Variants in CTPS2 observed in about 807,000 individuals in gnomAD.
CTPS2 encodes the protein CTP synthase II.
CTPS2 carries 19 observed loss-of-function variants against 46.8 expected under a neutral mutation model. That is an observed-to-expected ratio of 0.41 (90% CI 0.28 to 0.60). CTPS2 has a LOEUF of 0.60. CTPS2 is among the 20% of genes least tolerant of loss of function. CTPS2 has a pLI of 0.35. For synonymous variants in CTPS2, 151 were observed against 165.2 expected (o/e 0.91, Z 0.66); for missense variants, 286 against 447.6 (o/e 0.64, Z 3.26).
intron 15 of CTPS2, among the ~76,000 whole-genome samples, chrX:16,620,027 C>A (rs1930735269): frequency 1.8e-5 from 2 of 111,073 alleles, no homozygotes; most frequent in African/African-American, 6.5e-5. Context: ...TTGATAGGCC[C>A]CATGTGCAGG....
intron 17 of CTPS2, among the ~76,000 whole-genome samples, chrX:16,604,045 T>C (rs1464085761): frequency 9.0e-6 from 1 of 111,569 alleles, no homozygotes; most frequent in Non-Finnish European, 1.9e-5. Context: ...TATTACAAAG[T>C]AGTTTCGGCT....
chrX:16,640,130 T>C (rs1329487503), intron 13 of CTPS2, among the ~76,000 whole-genome samples: 1 of 111,345 alleles, frequency 9.0e-6, no homozygotes, highest in Non-Finnish European at 1.9e-5. Flanking sequence ...TGCGGCATTT[T>C]TCCTGCTTGA....
intron 9 of CTPS2, 147 bp from the exon 10 acceptor site, chrX:16,678,597 T>TGGGCCGCCACCCC: frequency 4.4e-6 from 2 of 450,991 alleles, no homozygotes; most frequent in Non-Finnish European, 7.8e-6. Flanking sequence ...AAACAGTCTC[T>TGGGCCGCCACCCC]GTTTTGCGGC....
At chrX:16,644,392 C>T (rs192279761) in intron 13 of CTPS2, among the ~76,000 whole-genome samples, 248 of 111,695 alleles carry the variant, frequency 2.2e-3, no homozygotes, top group Non-Finnish European at 3.8e-3. Context: ...CCAGCCTTGG[C>T]CTCCCAAAGT....
intron 1 of CTPS2, among the ~76,000 whole-genome samples, chrX:16,711,278 G>C (rs923198782): frequency 4.5e-5 from 5 of 112,078 alleles, no homozygotes; most frequent in African/African-American, 9.7e-5. Context: ...ATGTATTAGT[G>C]AGATATTTGA....
At chrX:16,697,632 C>T (rs1003714339) in intron 4 of CTPS2, among the ~76,000 whole-genome samples, 2 of 108,416 alleles carry the variant, frequency 1.8e-5, no homozygotes, top group African/African-American at 3.4e-5. Flanking sequence ...TCTGTAGAGA[C>T]GGGTTTTCGC....
chrX:16,673,456 A>C (rs1434413884), intron 10 of CTPS2, among the ~76,000 whole-genome samples: 1 of 111,119 alleles, frequency 9.0e-6, no homozygotes, highest in African/African-American at 3.3e-5. Flanking sequence ...CCATCATCAC[A>C]ATGGTGACCT....
At position 16,649,014 on chromosome X, in the gene CTPS2, CT is replaced by C. The variant is rs772072094; in HGVS notation, c.1297-9772del. ...TGCTCTTAAAATCCACCTGGAACCC[CT>C]TCCTGTGAGTTACAATCAGCATTAG... On this transcript the variant is annotated intron_variant, in intron 13 of 18. Coordinates refer to ENST00000359276, the MANE Select transcript of CTPS2 (RefSeq NM_175859.3). Among the ~76,000 whole-genome samples the C allele has an allele frequency of 2.7e-5, 3 of 112,251 alleles. No individual in the cohort carries two copies. In the South Asian group the frequency reaches 1.1e-3, roughly 41 times the overall value.
chrX:16,680,977 G>A (rs1476427520), intron 9 of CTPS2, among the ~76,000 whole-genome samples: 1 of 112,054 alleles, frequency 8.9e-6, no homozygotes, highest in Non-Finnish European at 1.9e-5. Flanking sequence ...CCTGAGGTCA[G>A]GAGTTCGAGA....
Position 16,683,271 on chromosome X carries a change from C to T in CTPS2, c.873-45G>A, listed in dbSNP as rs896176741. On this transcript the variant is annotated intron_variant, in intron 8 of 18. Coordinates refer to ENST00000359276, the MANE Select transcript of CTPS2 (RefSeq NM_175859.3). Reference sequence around the variant, plus strand: ...CAAAGGTTATATGCACATAACAGAACATCACAAACAGAACAATGGCAGCTG... The same window carrying T: ...CAAAGGTTATATGCACATAACAGAATATCACAAACAGAACAATGGCAGCTG... 4 of 1,173,853 alleles carry T rather than the reference C, an allele frequency of 3.4e-6. No homozygotes were observed. In the Admixed American group the frequency reaches 6.6e-5, roughly 19 times the overall value.
chrX:16,693,220 C>T lies in CTPS2; in HGVS notation c.560G>A (p.Ser187Asn), dbSNP rs193055681. ...TTTGGTTTTTTGTTCTCCGGTAGCA[C>T]TGAGCTGAAAAAAAATGGGGTCCCG... Reference protein sequence around the residue: ...NIHVSLVPQLSATGEQKTKPT... With the variant: ...NIHVSLVPQLNATGEQKTKPT... The change falls in exon 6 of 19, where the codon AGT becomes AAT. Residue 187 changes from serine to asparagine, a missense_variant. Physicochemically the swap from Ser to Asn is conservative, Grantham distance 46. Transcript: ENST00000359276. 2 of 1,205,613 alleles carry T rather than the reference C, an allele frequency of 1.7e-6. No individual in the cohort carries two copies. Among genetic ancestry groups the T allele is most frequent in the East Asian group, 5.9e-5 (2 of 33,700 alleles).
intron 13 of CTPS2, among the ~76,000 whole-genome samples, chrX:16,639,527 T>C (rs1221681407): frequency 9.1e-6 from 1 of 110,333 alleles, no homozygotes; most frequent in Non-Finnish European, 1.9e-5. Context: ...AAACCATCAG[T>C]TCCAAGTAGT....
At position 16,614,082 on chromosome X, in the gene CTPS2, A is replaced by C. The variant is rs774894843; in HGVS notation, c.1546+3068T>G. On this transcript the variant is annotated intron_variant, in intron 16 of 18. Coordinates refer to ENST00000359276, the MANE Select transcript of CTPS2 (RefSeq NM_175859.3). ...CTTGGACCATACATAAAATACACTA[A>C]CACTAATGATAGCTGATGAGCTTAA... Among the ~76,000 whole-genome samples the C allele has an allele frequency of 5.4e-5, 6 of 111,667 alleles. No individual in the cohort carries two copies. In the South Asian group the frequency reaches 2.3e-3, roughly 43 times the overall value.
chrX:16,635,995 G>T (rs1289573125), intron 14 of CTPS2, among the ~76,000 whole-genome samples: 5 of 112,297 alleles, frequency 4.5e-5, no homozygotes, highest in African/African-American at 1.6e-4. Flanking sequence ...CTGAGGAATG[G>T]ATAAACAAAA....
chrX:16,614,856 A>G (rs1281736323), intron 16 of CTPS2, among the ~76,000 whole-genome samples: 1 of 111,283 alleles, frequency 9.0e-6, no homozygotes, highest in Non-Finnish European at 1.9e-5. Flanking sequence ...CCTGAGCAAC[A>G]TGGCAAAAAC....
At chrX:16,680,567 A>G in intron 9 of CTPS2, among the ~76,000 whole-genome samples, 1 of 110,214 alleles carries the variant, frequency 9.1e-6, no homozygotes, top group African/African-American at 3.3e-5. Context: ...AAAAAAAAAA[A>G]AGAAAAAGAA....
intron 8 of CTPS2, 151 bp downstream of exon 8, chrX:16,689,299 G>A (rs1602269248): frequency 8.5e-6 from 4 of 472,556 alleles, no homozygotes; most frequent in Middle Eastern, 6.6e-4. Flanking sequence ...GCAAAGCACC[G>A]CAACAGTATG....
chrX:16,668,972 C>T (rs1229777325), intron 11 of CTPS2, among the ~76,000 whole-genome samples: 2 of 111,496 alleles, frequency 1.8e-5, no homozygotes, highest in African/African-American at 6.5e-5. Flanking sequence ...AGATTTCCCA[C>T]TCCTTCTCAT....
At chrX:16,639,823 A>AAGAAAG (rs1555962028) in intron 13 of CTPS2, among the ~76,000 whole-genome samples, 1 of 108,768 alleles carries the variant, frequency 9.2e-6, no homozygotes, top group African/African-American at 3.4e-5. Flanking sequence ...GAAAGAAAGA[A>AAGAAAG]AGAAAGAAGA....
Sources: allele counts gnomAD v4.1 joint callset (sites outside exome capture counted in the v4.1 genomes callset), GRCh38; gene constraint gnomAD v4.1.1; transcripts MANE v1.5; gene names NCBI Gene and HGNC (gene_info 2026-07-23, HGNC 2026-07-21).